Variants in MCF2L2 observed in about 807,000 individuals in gnomAD.
MCF2L2 encodes probable guanine nucleotide exchange factor MCF2L2.
In MCF2L2, 102 loss-of-function variants were observed where a neutral mutation model predicts 150.2. The ratio of observed to expected loss-of-function variants is 0.68; its 90% CI spans 0.58 to 0.80. The LOEUF (loss-of-function observed/expected upper bound fraction) is 0.80. Ranked by LOEUF, MCF2L2 falls within the 30% of genes least tolerant of loss-of-function variation. MCF2L2 has a pLI of 0.00. For synonymous variants in MCF2L2, 465 were observed against 491.3 expected, an observed-to-expected ratio of 0.95 and a Z score of 0.71; for missense variants, 1,256 against 1,372.8, an observed-to-expected ratio of 0.91 and a Z score of 1.34.
intron 1 of MCF2L2, among the ~76,000 whole-genome samples, chr3:183,412,937 G>A (rs1715396148): frequency 6.6e-6 from 1 of 152,130 alleles, no homozygotes; most frequent in Non-Finnish European, 1.5e-5. Context: ...TCAAGATAGG[G>A]TGTTGAATCT....
chr3:183,381,779 T>A (rs1051679531), intron 2 of MCF2L2, among the ~76,000 whole-genome samples: 1 of 152,188 alleles, frequency 6.6e-6, no homozygotes, highest in African/African-American at 2.4e-5. Context: ...TCAAGACAAG[T>A]ATATTGAACT....
At chr3:183,230,876 T>C in intron 16 of MCF2L2, 75 bp downstream of exon 16, 1 of 1,173,654 alleles carries the variant, frequency 8.5e-7, no homozygotes. Flanking sequence ...TGGCAACTAT[T>C]TTGAGTCTCT....
rs771116365 is a variant in MCF2L2 at position 183,230,996 on chromosome 3, A to C, written c.1884T>G (p.Leu628=). The C allele has an allele frequency of 6.2e-7, 1 of 1,613,880 alleles. No homozygotes were observed. The highest frequency in any genetic ancestry group is 8.5e-7 in the Non-Finnish European group (1 of 1,179,878). The change falls in exon 16 of 30, where the codon CTT becomes CTG. Residue 628 remains leucine (L), a synonymous_variant. Coordinates refer to ENST00000328913, the MANE Select transcript of MCF2L2 (RefSeq NM_015078.4). Reference sequence around the variant, plus strand: ...CTTTTATGTAAATCTCTTCAGTCTCAAGCAAGTCACGTATAATGCGCCTGA... The same window carrying C: ...CTTTTATGTAAATCTCTTCAGTCTCCAGCAAGTCACGTATAATGCGCCTGA... ...SPRRRIIRDL[L]ETEEIYIKEI...
At position 183,267,934 on chromosome 3, in the gene MCF2L2, G is replaced by A. The variant is rs192960162; in HGVS notation, c.1862+8938C>T. Among the ~76,000 whole-genome samples, 3 of 152,266 alleles carry A rather than the reference G, an allele frequency of 2.0e-5. No individual in the cohort carries two copies. The highest frequency in any genetic ancestry group is 2.9e-5 in the Non-Finnish European group (2 of 68,022). On this transcript the variant is annotated intron_variant, in intron 15 of 29. Coordinates refer to ENST00000328913, the MANE Select transcript of MCF2L2 (RefSeq NM_015078.4). The surrounding 1 kb of genome is among the most constrained non-coding windows in gnomAD (Gnocchi z 5.5). Reference sequence around the variant, plus strand: ...CAACATTTGGGGAATGCCTACCAGGGGTCACACACTGAGCTGGATGCTGAG... The same window carrying A: ...CAACATTTGGGGAATGCCTACCAGGAGTCACACACTGAGCTGGATGCTGAG...
At chr3:183,330,189 G>A (rs1185560225) in intron 5 of MCF2L2, among the ~76,000 whole-genome samples, 2 of 138,010 alleles carry the variant, frequency 1.4e-5, no homozygotes, top group South Asian at 4.5e-4. Flanking sequence ...AGGTTACACT[G>A]AGCCATGATC....
At chr3:183,319,135 G>A (rs921972124) in intron 6 of MCF2L2, among the ~76,000 whole-genome samples, 5 of 152,336 alleles carry the variant, frequency 3.3e-5, no homozygotes, top group African/African-American at 9.6e-5. Context: ...CCACTGCTTT[G>A]TAGACTAAGT....
chr3:183,305,342 T>C lies in MCF2L2; in HGVS notation c.1113+4374A>G, dbSNP rs1279446287. 1.3e-5 allele frequency among the ~76,000 whole-genome samples: 2 copies of C among 151,894 alleles called. No individual in the cohort carries two copies. The highest frequency in any genetic ancestry group is 2.9e-5 in the Non-Finnish European group (2 of 67,978). ...TGTTGACACTTTTTTTTTTTTTAAG[T>C]CCAGCTGCCTAATTTATTAAGAACA... On this transcript the variant is annotated intron_variant, in intron 10 of 29. Coordinates refer to ENST00000328913, the MANE Select transcript of MCF2L2 (RefSeq NM_015078.4). This position sits in a 1 kb window ranked among gnomAD's most constrained non-coding sequence, Gnocchi z 4.1.
chr3:183,391,478 A>T (rs1714146551), intron 1 of MCF2L2, among the ~76,000 whole-genome samples: 1 of 152,214 alleles, frequency 6.6e-6, no homozygotes, highest in Non-Finnish European at 1.5e-5. Flanking sequence ...ACGGCATGGT[A>T]GTCACATTTT....
chr3:183,216,133 A>G, intron 21 of MCF2L2, 39 bp from the exon 22 acceptor site: 1 of 1,605,772 alleles, frequency 6.2e-7, no homozygotes. Context: ...TCAAAAGTAT[A>G]CCATCTGCAA....
chr3:183,361,134 G>GAAAAAA (rs1560040412), intron 3 of MCF2L2, among the ~76,000 whole-genome samples: 1 of 91,790 alleles, frequency 1.1e-5, no homozygotes, highest in African/African-American at 8.6e-5. Flanking sequence ...AAAAGAAAAA[G>GAAAAAA]GAAAAGAGAC....
At chr3:183,358,482 A>G (rs1711923476) in intron 3 of MCF2L2, among the ~76,000 whole-genome samples, 2 of 152,208 alleles carry the variant, frequency 1.3e-5, no homozygotes, top group Non-Finnish European at 2.9e-5. Flanking sequence ...TTGATCATGT[A>G]TCGAAAGAGT....
intron 3 of MCF2L2, among the ~76,000 whole-genome samples, chr3:183,353,420 C>T (rs539793193): frequency 4.6e-5 from 7 of 152,276 alleles, no homozygotes; most frequent in East Asian, 3.9e-4. Context: ...AGCCCGTTCC[C>T]GCACTGCTAT....
chr3:183,234,707 T>TTTTATTA (rs774291171), intron 15 of MCF2L2, among the ~76,000 whole-genome samples: 2 of 113,906 alleles, frequency 1.8e-5, no homozygotes, highest in African/African-American at 3.0e-5. Context: ...TTTTTTTTTT[T>TTTTATTA]TTATTATACT....
chr3:183,233,719 A>G (rs1188645789), intron 15 of MCF2L2, among the ~76,000 whole-genome samples: 1 of 152,218 alleles, frequency 6.6e-6, no homozygotes, highest in Non-Finnish European at 1.5e-5. Flanking sequence ...GAGAATTTCT[A>G]CATCTTACTC....
At chr3:183,417,115 C>CAAAAAAAAAAAAAAAAAA (rs74989072) in intron 1 of MCF2L2, among the ~76,000 whole-genome samples, 1 of 44,214 alleles carries the variant, frequency 2.3e-5, no homozygotes, top group African/African-American at 7.3e-5. Context: ...GACTCTGTCT[C>CAAAAAAAAAAAAAAAAAA]AAAAAAAAAA....
intron 3 of MCF2L2, among the ~76,000 whole-genome samples, chr3:183,350,843 A>C (rs1211381631): frequency 6.6e-6 from 1 of 151,706 alleles, no homozygotes; most frequent in Non-Finnish European, 1.5e-5. Context: ...GGCGGAGCTT[A>C]CAGTGAGCCC....
At chr3:183,358,621 A>AT (rs954049150) in intron 3 of MCF2L2, among the ~76,000 whole-genome samples, 2 of 151,980 alleles carry the variant, frequency 1.3e-5, no homozygotes, top group Non-Finnish European at 2.9e-5. Flanking sequence ...GTTACGGAAA[A>AT]TTTTTTGTTG....
chr3:183,281,827 G>A lies in MCF2L2; in HGVS notation c.1777-4870C>T, dbSNP rs1328673406. On this transcript the variant is annotated intron_variant, in intron 14 of 29. Coordinates refer to ENST00000328913, the MANE Select transcript of MCF2L2 (RefSeq NM_015078.4). ...CTGAGGCTTTGTGGAAATGAGAAAT[G>A]AATAGAGAAAGATAAGAGACTGGAT... Among the ~76,000 whole-genome samples the A allele has an allele frequency of 3.3e-5, 5 of 151,504 alleles. No individual in the cohort carries two copies. In the East Asian group the frequency reaches 9.7e-4, roughly 29 times the overall value.
At chr3:183,220,789 T>A (rs1268856564) in intron 20 of MCF2L2, among the ~76,000 whole-genome samples, 2 of 152,078 alleles carry the variant, frequency 1.3e-5, no homozygotes, top group African/African-American at 4.8e-5. Flanking sequence ...AGAACTTTTT[T>A]AAAAAAACGT....
Sources: gnomAD v4.1 joint callset for allele counts (sites outside exome capture counted in the v4.1 genomes callset) on GRCh38, gnomAD v4.1.1 for gene constraint, Gnocchi (gnomAD v3.1) non-coding constraint, MANE v1.5 for transcripts, NCBI Gene and HGNC (gene_info 2026-07-23, HGNC 2026-07-21) for gene names.